The following GATAD2B variants were observed in gnomAD, a reference collection of about 807,000 sequenced individuals.
The protein encoded by GATAD2B is GATA zinc finger domain containing 2B.
Under a neutral mutation model 64.3 loss-of-function variants are expected in GATAD2B, and 8 were observed. The observed-to-expected ratio is 0.12, with a 90% confidence interval of 0.07 to 0.22. The LOEUF is 0.22. GATAD2B is among the 10% of genes least tolerant of loss of function. GATAD2B has a pLI of 1.00. For missense variants in GATAD2B, 453 were observed against 752.0 expected (o/e 0.60, Z 4.65); for synonymous variants, 281 against 271.3 (o/e 1.04, Z -0.35).
chr1:153,916,594 G>C lies in GATAD2B; in HGVS notation c.-2+6139C>G, dbSNP rs1189344365. 2.0e-5 allele frequency among the ~76,000 whole-genome samples: 3 copies of C among 152,078 alleles called. No individual in the cohort carries two copies. In the East Asian group the frequency reaches 5.8e-4, roughly 29 times the overall value. On this transcript the variant is annotated intron_variant, in intron 1 of 10. Coordinates refer to ENST00000368655, the MANE Select transcript of GATAD2B (RefSeq NM_020699.4). Reference sequence around the variant, plus strand: ...AAACAAAGGGCTGGAGTTTAGGAGAGAAATGATAATATATTGAATATATAT... The same window carrying C: ...AAACAAAGGGCTGGAGTTTAGGAGACAAATGATAATATATTGAATATATAT...
At chr1:153,896,194 AG>A (rs1278787355) in intron 1 of GATAD2B, among the ~76,000 whole-genome samples, 19 of 152,070 alleles carry the variant, frequency 1.2e-4, no homozygotes, top group Admixed American at 6.6e-4. Context: ...CCATCTAACA[AG>A]GAAGTCTCTA....
intron 1 of GATAD2B, among the ~76,000 whole-genome samples, chr1:153,907,661 T>TG: frequency 6.6e-6 from 1 of 150,598 alleles, no homozygotes; most frequent in East Asian, 1.9e-4. Flanking sequence ...TTTTTTGAGA[T>TG]GGAGTCTCGC....
rs1002329009 is a variant in GATAD2B at position 153,810,189 on chromosome 1, A to G, written c.1770T>C (p.Ser590=). The change falls in exon 11 of 11, where the codon AGT becomes AGC. Residue 590 remains serine (S), a synonymous_variant. Transcript: ENST00000368655. ...AGTGGAACAGGCGTTATTTCTGTCC[A>G]CTGATGGACTGCGATATAGACCGGG... ...IPPRSISQSI[S]GQK is the part of the protein sequence containing the mutation. The G allele has an allele frequency of 3.1e-6, 5 of 1,609,712 alleles. No homozygotes were observed. The African/African-American group carries it at 5.4e-5, about 17-fold the overall frequency.
At chr1:153,862,322 C>T (rs866383866) in intron 1 of GATAD2B, among the ~76,000 whole-genome samples, 20 of 151,856 alleles carry the variant, frequency 1.3e-4, no homozygotes, top group African/African-American at 4.3e-4. Context: ...GGGGTTTCAC[C>T]ATGTTGGCCA....
intron 7 of GATAD2B, among the ~76,000 whole-genome samples, chr1:153,815,431 G>A (rs750129353): frequency 2.0e-5 from 3 of 146,346 alleles, no homozygotes; most frequent in Non-Finnish European, 4.5e-5. Context: ...TGATTTAAGT[G>A]AAACAACATA....
At chr1:153,881,036 C>T (rs1167892010) in intron 1 of GATAD2B, among the ~76,000 whole-genome samples, 1 of 152,094 alleles carries the variant, frequency 6.6e-6, no homozygotes, top group African/African-American at 2.4e-5. Context: ...CCTCCCCCCT[C>T]CCTCTCCTTG....
chr1:153,884,212 G>T lies in GATAD2B; in HGVS notation c.-2+38521C>A, dbSNP rs186806974. Reference sequence around the variant, plus strand: ...TCCCAGCACTTTGGGAGGCCGAGGCGGGCAGATCACGAGGTCAGGAGATCA... The same window carrying T: ...TCCCAGCACTTTGGGAGGCCGAGGCTGGCAGATCACGAGGTCAGGAGATCA... On this transcript the variant is annotated intron_variant, in intron 1 of 10. Coordinates refer to ENST00000368655, the MANE Select transcript of GATAD2B (RefSeq NM_020699.4). Among the ~76,000 whole-genome samples the T allele has an allele frequency of 1.8e-4, 27 of 152,248 alleles. No individual in the cohort carries two copies. In the East Asian group the frequency reaches 5.0e-3, roughly 28 times the overall value.
chr1:153,906,301 T>C (rs1371898300), intron 1 of GATAD2B, among the ~76,000 whole-genome samples: 1 of 150,770 alleles, frequency 6.6e-6, no homozygotes, highest in Non-Finnish European at 1.5e-5. Context: ...TGCCTGTAGT[T>C]CCAGCCACTC....
intron 2 of GATAD2B, among the ~76,000 whole-genome samples, chr1:153,827,131 GC>G (rs1400894792): frequency 6.7e-6 from 1 of 148,898 alleles, no homozygotes. Flanking sequence ...TGTAGTCCCA[GC>G]TACTCAAGGG....
intron 1 of GATAD2B, among the ~76,000 whole-genome samples, chr1:153,884,242 C>T (rs947724869): frequency 6.6e-6 from 1 of 152,164 alleles, no homozygotes; most frequent in Non-Finnish European, 1.5e-5. Context: ...AGATCAAGAC[C>T]ATTCTGGCTA....
rs1361173404 is a variant in GATAD2B, at chr1:153,890,516, G to A, written c.-2+32217C>T. On this transcript the variant is annotated intron_variant, in intron 1 of 10. Transcript: ENST00000368655. ...AAAAAAAAAAAAAACGACAGAACAA[G>A]AAACAGGCTTTCTTGCTTCCCAGCC... 1.3e-5 allele frequency: 2 copies of A among 150,000 alleles called. 1 individual carries two copies. The highest frequency in any genetic ancestry group is 4.9e-5 in the African/African-American group (2 of 40,734). 9.3% of individuals were successfully genotyped at this position (150,000 alleles called of 1,614,324 possible).
chr1:153,813,511 A>C (rs1294182630), intron 7 of GATAD2B, 59 bp from the exon 8 acceptor site: 3 of 1,124,198 alleles, frequency 2.7e-6, no homozygotes, highest in Non-Finnish European at 4.0e-6. Context: ...TGTTTCTCTT[A>C]ATCAAATAGA....
At chr1:153,833,774 C>T (rs1434200772) in intron 1 of GATAD2B, among the ~76,000 whole-genome samples, 13 of 138,196 alleles carry the variant, frequency 9.4e-5, no homozygotes, top group South Asian at 9.3e-4. Context: ...CATGCCACTG[C>T]GCTCCAGCCT....
intron 1 of GATAD2B, among the ~76,000 whole-genome samples, chr1:153,854,962 A>T (rs908183489): frequency 5.3e-5 from 8 of 152,210 alleles, no homozygotes; most frequent in African/African-American, 1.9e-4. Flanking sequence ...TGATATAAAA[A>T]AAAAGAGGTG....
intron 1 of GATAD2B, among the ~76,000 whole-genome samples, chr1:153,850,037 G>A (rs993016301): frequency 6.6e-6 from 1 of 152,106 alleles, no homozygotes; most frequent in Non-Finnish European, 1.5e-5. Flanking sequence ...TGGTAAATGA[G>A]CTGTTTTCTT....
chr1:153,860,266 A>G (rs1162324899), intron 1 of GATAD2B, among the ~76,000 whole-genome samples: 4 of 152,080 alleles, frequency 2.6e-5, no homozygotes, highest in African/African-American at 9.7e-5. Context: ...TTACTGAATT[A>G]CTTGTCCATT....
intron 1 of GATAD2B, among the ~76,000 whole-genome samples, chr1:153,877,094 G>C (rs940060231): frequency 6.6e-6 from 1 of 152,166 alleles, no homozygotes; most frequent in South Asian, 2.1e-4. Flanking sequence ...CAGCACTTTG[G>C]GGGGCTAAGG....
intron 1 of GATAD2B, among the ~76,000 whole-genome samples, chr1:153,867,289 C>T (rs1282048127): frequency 6.6e-6 from 1 of 152,292 alleles, no homozygotes; most frequent in East Asian, 1.9e-4. Context: ...AGACCCCAAA[C>T]TGCTTATTAT....
chr1:153,857,405 C>A (rs1381730985), intron 1 of GATAD2B, among the ~76,000 whole-genome samples: 5 of 152,004 alleles, frequency 3.3e-5, no homozygotes, highest in African/African-American at 1.2e-4. Flanking sequence ...AAGATCGCGC[C>A]ACTGCACTCT....
Sources: gnomAD v4.1 joint callset for allele counts (sites outside exome capture counted in the v4.1 genomes callset) on GRCh38, gnomAD v4.1.1 for gene constraint, MANE v1.5 for transcripts, NCBI Gene and HGNC (gene_info 2026-07-23, HGNC 2026-07-21) for gene names.